The following ITGA6 variants were observed in gnomAD, a reference collection of about 807,000 sequenced individuals.
ITGA6 encodes the protein integrin subunit alpha 6.
ITGA6 carries 63 observed loss-of-function variants against 133.6 expected under a neutral mutation model. That is an observed-to-expected ratio of 0.47 (90% CI 0.38 to 0.58). The LOEUF (loss-of-function observed/expected upper bound fraction) is 0.58, where lower values mean the gene tolerates loss of function less well. Among genes scored for constraint, ITGA6 ranks in the 20% least tolerant of loss-of-function variants. The pLI, the probability that ITGA6 is intolerant of heterozygous loss-of-function variation, is 0.00. For missense variants in ITGA6, 1,068 were observed against 1,309.4 expected (o/e 0.82, Z 2.85); for synonymous variants, 434 against 482.0 (o/e 0.90, Z 1.30).
At chr2:172,475,712 G>C (rs1686144220) in intron 8 of ITGA6, 27 bp downstream of exon 8, 1 of 1,242,762 alleles carries the variant, frequency 8.0e-7, no homozygotes. Context: ...GATTTCTACA[G>C]CTAGAGTCTC....
In ITGA6 at chr2:172,476,390, T is replaced by C; in HGVS notation, c.1270-5T>C. ...ATGTCCATTCGGATGCCCTGTGTAT[T>C]TCAGGTTCTCAAGGGTATATCACCT... On this transcript the variant is annotated splice_polypyrimidine_tract_variant and splice_region_variant and intron_variant, in intron 8 of 25. Transcript: ENST00000684293. The C allele has an allele frequency of 6.7e-7, 1 of 1,488,504 alleles. No homozygotes were observed. Among genetic ancestry groups the C allele is most frequent in the Non-Finnish European group, 9.4e-7 (1 of 1,065,824 alleles). The allele number at this position is 1,488,504 out of a possible 1,614,324, so 92.2% of individuals were successfully genotyped here. A position where few individuals can be genotyped will look rare whatever the true frequency, so the allele number is the denominator to read the frequency against.
chr2:172,481,367 C>T (rs1279461364), intron 11 of ITGA6, among the ~76,000 whole-genome samples: 4 of 152,138 alleles, frequency 2.6e-5, no homozygotes, highest in East Asian at 1.9e-4. Context: ...TCCTCTCACA[C>T]GTCACAGCTC....
At chr2:172,459,961 A>C (rs1376431686) in intron 1 of ITGA6, among the ~76,000 whole-genome samples, 1 of 152,228 alleles carries the variant, frequency 6.6e-6, no homozygotes, top group Non-Finnish European at 1.5e-5. Flanking sequence ...GGCTTGGATA[A>C]AGGTGAACAA....
At position 172,427,613 on chromosome 2, in the gene ITGA6, G is replaced by A. The variant is rs912787747; in HGVS notation, c.-176G>A. On this transcript the variant is annotated 5_prime_UTR_variant, in exon 1 of 26. Coordinates refer to ENST00000684293, the MANE Select transcript of ITGA6 (RefSeq NM_000210.4). ...CGGGCTCATTCAGCGGTCGCGAGCT[G>A]CCCGCGAGGGGGAGCGGCCGGACGG... 1.0e-5 allele frequency: 13 copies of A among 1,278,616 alleles called. No individual in the cohort carries two copies. In the African/African-American group the frequency reaches 2.0e-4, roughly 20 times the overall value. 79.2% of individuals were successfully genotyped at this position (1,278,616 alleles called of 1,614,324 possible). A position where few individuals can be genotyped will look rare whatever the true frequency, so the allele number is the denominator to read the frequency against.
At chr2:172,483,621 A>G (rs1362404212) in intron 11 of ITGA6, among the ~76,000 whole-genome samples, 1 of 151,928 alleles carries the variant, frequency 6.6e-6, no homozygotes, top group Admixed American at 6.6e-5. Context: ...GTTCTGAAGT[A>G]AAAAAATGAG....
At chr2:172,459,785 A>G in intron 1 of ITGA6, among the ~76,000 whole-genome samples, 1 of 152,248 alleles carries the variant, frequency 6.6e-6, no homozygotes, top group East Asian at 1.9e-4. Context: ...CAGTTACCCC[A>G]GGATAGCCAT....
intron 2 of ITGA6, 149 bp downstream of exon 2, chr2:172,465,812 A>G: frequency 9.0e-7 from 1 of 1,110,612 alleles, no homozygotes; most frequent in Middle Eastern, 2.6e-4. Context: ...TGCCCTGAAA[A>G]TATTTACTTA....
At chr2:172,467,762 G>A (rs552758060) in intron 3 of ITGA6, among the ~76,000 whole-genome samples, 2 of 152,242 alleles carry the variant, frequency 1.3e-5, no homozygotes, top group South Asian at 2.1e-4. Flanking sequence ...CAAGGCGGGC[G>A]GATCACCTGA....
chr2:172,454,565 A>C (rs1354754360), intron 1 of ITGA6, among the ~76,000 whole-genome samples: 2 of 152,154 alleles, frequency 1.3e-5, no homozygotes, highest in East Asian at 3.8e-4. Flanking sequence ...TTAGGATCTG[A>C]GTTCTTGGTG....
intron 17 of ITGA6, 59 bp from the exon 18 acceptor site, chr2:172,487,902 A>G: frequency 5.2e-6 from 8 of 1,532,476 alleles, no homozygotes; most frequent in Non-Finnish European, 7.2e-6. Flanking sequence ...AAGAAGTCTA[A>G]TTGTAGTGAG....
At chr2:172,488,568 G>A (rs1686788920) in intron 19 of ITGA6, among the ~76,000 whole-genome samples, 1 of 152,210 alleles carries the variant, frequency 6.6e-6, no homozygotes, top group South Asian at 2.1e-4. Flanking sequence ...TGTGGTGAAT[G>A]TAGATTTGGT....
chr2:172,473,737 A>T (rs147730866), intron 5 of ITGA6, among the ~76,000 whole-genome samples: 7 of 152,328 alleles, frequency 4.6e-5, no homozygotes, highest in African/African-American at 1.7e-4. Flanking sequence ...ATCTCCTTTT[A>T]CCATAGTTCC....
intron 1 of ITGA6, among the ~76,000 whole-genome samples, chr2:172,458,651 G>C (rs184809123): frequency 6.6e-6 from 1 of 152,138 alleles, no homozygotes; most frequent in Non-Finnish European, 1.5e-5. Context: ...GGGTGAGAGC[G>C]AGCCAGAAAT....
At position 172,505,735 on chromosome 2, in the gene ITGA6, T is replaced by C; in HGVS notation, c.*1667T>C. 6.7e-6 allele frequency: 1 copy of C among 149,418 alleles called. No homozygotes were observed. The highest frequency in any genetic ancestry group is 2.4e-5 in the African/African-American group (1 of 41,372). 9.3% of individuals were successfully genotyped at this position (149,418 alleles called of 1,614,324 possible). The stretch of plus-strand genomic sequence containing the variant: ...CACTGTTGTTTTGGGGGGGCTTTTT[T>C]CTTTTCGGAAATCTTAAACCTTAAG... On this transcript the variant is annotated 3_prime_UTR_variant, in exon 26 of 26. Coordinates refer to ENST00000684293, the MANE Select transcript of ITGA6 (RefSeq NM_000210.4).
upstream of ITGA6, chr2:172,427,519 G>C (rs1002241977): frequency 5.7e-5 from 65 of 1,134,954 alleles, no homozygotes; most frequent in Non-Finnish European, 6.3e-5. Flanking sequence ...GGAGGGGCGA[G>C]AGGGTGGGGA....
intron 20 of ITGA6, chr2:172,490,777 C>G (rs769567202): frequency 1.5e-4 from 63 of 430,150 alleles, no homozygotes; most frequent in Non-Finnish European, 2.5e-4. Context: ...GCATATTTCT[C>G]TTTCTCTGAG....
Position 172,487,092 on chromosome 2 carries a change from T to G in ITGA6, c.1924T>G (p.Phe642Val). Residue 642 changes from phenylalanine to valine, a missense_variant, in exon 14 of 26, where the codon TTT becomes GTT. Phe to Val is a conservative substitution (Grantham distance 50, BLOSUM62 -1). Transcript: ENST00000684293. ...CNSNLKLEYK[F>V]CTREGNQDKF... ...CAGCAACCTTAAACTAGAATATAAA[T>G]TTTGCACCCGAGAAGGAAATCAAGA... The G allele has an allele frequency of 1.2e-6, 2 of 1,612,752 alleles. No individual in the cohort carries two copies. The highest frequency in any genetic ancestry group is 1.7e-6 in the Non-Finnish European group (2 of 1,178,800).
intron 1 of ITGA6, among the ~76,000 whole-genome samples, chr2:172,442,815 G>C (rs1051019903): frequency 6.6e-6 from 1 of 152,024 alleles, no homozygotes; most frequent in Non-Finnish European, 1.5e-5. Flanking sequence ...CACATAAAGA[G>C]AGCATGTGTG....
Position 172,491,262 on chromosome 2 carries a change from G to A in ITGA6, c.2820G>A (p.Pro940=), listed in dbSNP as rs34599583. 1,857 of 1,612,394 alleles carry A rather than the reference G, an allele frequency of 1.2e-3. 19 individuals carry two copies. In the African/African-American group the frequency reaches 0.021, roughly 18 times the overall value. The change falls in exon 22 of 26, where the codon CCG becomes CCA. Residue 940 remains proline, a synonymous_variant. Coordinates refer to ENST00000684293, the MANE Select transcript of ITGA6 (RefSeq NM_000210.4). The surrounding 1 kb of genome is among the most constrained non-coding windows in gnomAD (Gnocchi z 4.4). ...TGAACTGTGTGAACATCAGATGCCCGCTGCGGGGGCTGGACAGCAAGGCGT... is the reference window on the plus strand; with the variant it reads ...TGAACTGTGTGAACATCAGATGCCCACTGCGGGGGCTGGACAGCAAGGCGT... ...VNVNCVNIRC[P]LRGLDSKASL...
Sources: allele counts gnomAD v4.1 joint callset (sites outside exome capture counted in the v4.1 genomes callset), GRCh38; gene constraint gnomAD v4.1.1; non-coding constraint Gnocchi (gnomAD v3.1); transcripts MANE v1.5; gene names NCBI Gene and HGNC (gene_info 2026-07-23, HGNC 2026-07-21).